The following KRT8 variants were observed in gnomAD, a reference collection of about 807,000 sequenced individuals.
The protein encoded by KRT8 is keratin 8.
Under a neutral mutation model 43.0 loss-of-function variants are expected in KRT8, and 24 were observed. The ratio of observed to expected loss-of-function variants is 0.56; its 90% CI spans 0.40 to 0.78. The LOEUF (loss-of-function observed/expected upper bound fraction) is 0.78. KRT8 is among the 30% of genes least tolerant of loss of function. KRT8 has a pLI of 0.00. For missense variants in KRT8, 492 were observed against 638.4 expected (o/e 0.77, Z 2.47); for synonymous variants, 214 against 261.2 (o/e 0.82, Z 1.74).
At chr12:52,948,974 G>A in intron 2 of KRT8, 1 of 470,130 alleles carries the variant, frequency 2.1e-6, no homozygotes, top group Non-Finnish European at 3.7e-6. Context: ...CGGAGGGCGC[G>A]GGGGTGGGGC....
chr12:52,945,711 C>A (rs946593339), intron 2 of KRT8, among the ~76,000 whole-genome samples: 8 of 152,266 alleles, frequency 5.3e-5, no homozygotes, highest in Admixed American at 1.3e-4. Context: ...CGCTGGAATG[C>A]AGGACTGATG....
chr12:52,918,745 C>T (rs145857954), intron 2 of KRT8, among the ~76,000 whole-genome samples: 1 of 152,186 alleles, frequency 6.6e-6, no homozygotes, highest in African/African-American at 2.4e-5. Context: ...GCTTGACTCT[C>T]ACCAACCCTC....
At chr12:52,929,759 C>T (rs1157344620) in intron 2 of KRT8, among the ~76,000 whole-genome samples, 1 of 152,174 alleles carries the variant, frequency 6.6e-6, no homozygotes, top group Non-Finnish European at 1.5e-5. Flanking sequence ...AAGAGCCTTG[C>T]TCTTGAGTGT....
At chr12:52,903,858 G>GCCCCCCCCCCCCCCC in intron 1 of KRT8, among the ~76,000 whole-genome samples, 2 of 59,440 alleles carry the variant, frequency 3.4e-5, no homozygotes, top group Admixed American at 1.7e-4. Flanking sequence ...CCCCACCCCA[G>GCCCCCCCCCCCCCCC]CCCACCCCAC....
intron 2 of KRT8, among the ~76,000 whole-genome samples, chr12:52,939,434 G>T (rs1028640961): frequency 6.6e-6 from 1 of 152,056 alleles, no homozygotes; most frequent in Non-Finnish European, 1.5e-5. Flanking sequence ...AACCTGGGAG[G>T]TGGAAGGTGC....
intron 2 of KRT8, 185 bp from the exon 3 acceptor site, chr12:52,901,404 G>A: frequency 1.6e-6 from 1 of 645,046 alleles, no homozygotes; most frequent in Non-Finnish European, 2.8e-6. Context: ...TTAGCCCGTG[G>A]GAAGCAGGAA....
In KRT8 at chr12:52,949,163, C is replaced by T. The variant is rs376727372; in HGVS notation, c.-47+293G>A. ...AGCCTGAGTCCTGTCCTTTCTCTCT[C>T]CCCGGACAGCATGAGCTTCACCACT... On this transcript the variant is annotated intron_variant, in intron 2 of 6. Coordinates refer to the KRT8 transcript ENST00000546826. 131 of 1,610,598 alleles carry T rather than the reference C, an allele frequency of 8.1e-5. No homozygotes were observed. The African/African-American group carries it at 1.5e-3, about 19-fold the overall frequency.
intron 2 of KRT8, among the ~76,000 whole-genome samples, chr12:52,915,742 T>C (rs561812200): frequency 1.3e-5 from 2 of 151,304 alleles, no homozygotes; most frequent in South Asian, 2.1e-4. Context: ...AAAGAAAAGA[T>C]AAACAAATGC....
At chr12:52,923,565 G>C (rs1592178037) in intron 2 of KRT8, among the ~76,000 whole-genome samples, 1 of 151,848 alleles carries the variant, frequency 6.6e-6, no homozygotes, top group African/African-American at 2.4e-5. Context: ...GACTACAGGC[G>C]CCAGCCACCA....
rs977188829 is a variant in KRT8 at position 52,940,447 on chromosome 12, A to AG, written c.-47+9008_-47+9009insC. Reference sequence around the variant, plus strand: ...GACTCAGTCTCAAAAAAAAAAAAAAAAAAGAAAAGTAAAAAGCTACACAAA... The same window carrying AG: ...GACTCAGTCTCAAAAAAAAAAAAAAAGAAAGAAAAGTAAAAAGCTACACAAA... On this transcript the variant is annotated intron_variant, in intron 2 of 6. Transcript: ENST00000546826. Among the ~76,000 whole-genome samples, 17 of 151,342 alleles carry AG rather than the reference A, an allele frequency of 1.1e-4. 1 individual carries two copies. The highest frequency in any genetic ancestry group is 5.9e-4 in the Admixed American group (9 of 15,176).
chr12:52,924,428 G>A (rs1405311668), intron 2 of KRT8, among the ~76,000 whole-genome samples: 1 of 148,100 alleles, frequency 6.8e-6, no homozygotes, highest in Non-Finnish European at 1.5e-5. Flanking sequence ...CAGCCTGGGC[G>A]ACAGAGGGAG....
intron 1 of KRT8, 116 bp downstream of exon 1, chr12:52,904,542 C>A: frequency 1.0e-6 from 1 of 973,230 alleles, no homozygotes; most frequent in Non-Finnish European, 1.6e-6. Flanking sequence ...AGAGTGTCGC[C>A]AGGGCGGGTG....
At chr12:52,933,006 C>T (rs1565731041) in intron 2 of KRT8, among the ~76,000 whole-genome samples, 3 of 152,244 alleles carry the variant, frequency 2.0e-5, no homozygotes, top group East Asian at 3.9e-4. Context: ...TGCAGTGGCG[C>T]GATCTCAGCT....
At chr12:52,949,644 C>A in intron 1 of KRT8, 1 of 1,461,502 alleles carries the variant, frequency 6.8e-7, no homozygotes, top group Non-Finnish European at 9.6e-7. Context: ...TCCAATTATA[C>A]ACTCCTTTGC....
exon 8 of KRT8, chr12:52,897,234 A>AT: frequency 1.5e-6 from 1 of 658,978 alleles, no homozygotes; most frequent in Non-Finnish European, 2.7e-6. Context: ...AAAAAAAAAA[A>AT]GCAATTGAAT....
At chr12:52,908,612 A>G (rs1422789164), upstream of KRT8, among the ~76,000 whole-genome samples, 1 of 152,206 alleles carries the variant, frequency 6.6e-6, no homozygotes, top group African/African-American at 2.4e-5. Flanking sequence ...GGCAAAGCAT[A>G]GAGACAGGAA....
intron 2 of KRT8, among the ~76,000 whole-genome samples, chr12:52,941,008 A>C (rs1210958236): frequency 2.0e-5 from 3 of 152,120 alleles, no homozygotes; most frequent in Non-Finnish European, 2.9e-5. Flanking sequence ...AAAACCCATC[A>C]AACTGTATAC....
At position 52,941,478 on chromosome 12, in the gene KRT8, C is replaced by CTTTT. The variant is rs774607187; in HGVS notation, c.-47+7974_-47+7977dup. 1.3e-3 allele frequency among the ~76,000 whole-genome samples: 97 copies of CTTTT among 72,578 alleles called. 12 individuals carry two copies. The highest frequency in any genetic ancestry group is 4.9e-3 in the African/African-American group (81 of 16,488). 47.6% of individuals were successfully genotyped at this position (72,578 alleles called of 152,430 possible). ...CGGGCTCCTCTAGCAAGTTTTTGCT[C>CTTTT]TTTTTTTTTTTTTTTTTTTTTTTTT... On this transcript the variant is annotated intron_variant, in intron 2 of 6. Transcript: ENST00000546826.
intron 2 of KRT8, among the ~76,000 whole-genome samples, chr12:52,938,395 G>C (rs1005297335): frequency 5.9e-5 from 9 of 151,332 alleles, no homozygotes; most frequent in African/African-American, 2.2e-4. Context: ...TTGAACTCCT[G>C]GCCTCAAGTG....
Sources: allele counts gnomAD v4.1 joint callset (sites outside exome capture counted in the v4.1 genomes callset), GRCh38; gene constraint gnomAD v4.1.1; transcripts MANE v1.5; gene names NCBI Gene and HGNC (gene_info 2026-07-23, HGNC 2026-07-21).